The following ZC3H7A variants were observed in gnomAD, a reference collection of about 807,000 sequenced individuals.
The protein encoded by ZC3H7A is zinc finger CCCH domain-containing protein 7A.
ZC3H7A carries 44 observed loss-of-function variants against 125.5 expected under a neutral mutation model. That is an observed-to-expected ratio of 0.35 (90% CI 0.28 to 0.45). The LOEUF is 0.45. ZC3H7A is among the 20% of genes least tolerant of loss of function. The pLI, the probability that ZC3H7A is intolerant of heterozygous loss-of-function variation, is 1.00. For missense variants in ZC3H7A, 977 were observed against 1,170.7 expected (o/e 0.83, Z 2.41); for synonymous variants, 399 against 391.2 (o/e 1.02, Z -0.23).
chr16:11,787,321 T>C (rs914195772), intron 1 of ZC3H7A, among the ~76,000 whole-genome samples: 2 of 152,204 alleles, frequency 1.3e-5, no homozygotes, highest in African/African-American at 4.8e-5. Context: ...AGAAAAGATA[T>C]AGACCATTAA....
chr16:11,774,965 T>C lies in ZC3H7A; in HGVS notation c.619+15A>G. 1.2e-6 allele frequency: 2 copies of C among 1,613,990 alleles called. No individual in the cohort carries two copies. The highest frequency in any genetic ancestry group is 1.7e-6 in the Non-Finnish European group (2 of 1,179,852). On this transcript the variant is annotated intron_variant, in intron 8 of 22. Transcript: ENST00000355758. ...GGCACTATTCAAATTGTTAAGATGA[T>C]ATGTGAAAACATACCTGGCTCAATA...
chr16:11,752,537 G>A, intron 22 of ZC3H7A, 132 bp downstream of exon 22: 1 of 1,157,010 alleles, frequency 8.6e-7, no homozygotes, highest in Non-Finnish European at 1.2e-6. Flanking sequence ...CAAAACCCAA[G>A]AATCCTTCAG....
intron 13 of ZC3H7A, among the ~76,000 whole-genome samples, chr16:11,766,847 C>T (rs2052867791): frequency 6.6e-6 from 1 of 152,198 alleles, no homozygotes; most frequent in Non-Finnish European, 1.5e-5. Flanking sequence ...TGCGCCACTA[C>T]ACTCCAGCCT....
intron 19 of ZC3H7A, among the ~76,000 whole-genome samples, chr16:11,760,100 G>T (rs2052720778): frequency 7.3e-6 from 1 of 136,470 alleles, no homozygotes; most frequent in South Asian, 2.4e-4. Context: ...ACTCCAGCCT[G>T]GGTGACAGAG....
At chr16:11,797,044 A>AGGC (rs1387206641) in intron 1 of ZC3H7A, 80 bp downstream of exon 1, 6 of 141,356 alleles carry the variant, frequency 4.2e-5, no homozygotes, top group African/African-American at 1.3e-4. Context: ...CGCGAGCACG[A>AGGC]GGCGGCGGCG....
chr16:11,770,974 A>C lies in ZC3H7A; in HGVS notation c.917T>G (p.Val306Gly). The change falls in exon 10 of 23, where the codon GTC (valine) becomes GGC (glycine). Residue 306 changes from valine to glycine, a missense_variant. Physicochemically the swap from Val to Gly is moderately radical, Grantham distance 109. Transcript: ENST00000355758. ...ACTGGCTGTCTGAAGGGGTCCTCTG[A>C]CTAAAGCTGACGGCTGCGGAAGAAA... The part of the protein sequence containing the change: ...TNETVMPSAL[V>G]RGPLQTASVS... 1 of 1,602,956 alleles carries C rather than the reference A, an allele frequency of 6.2e-7. No homozygotes were observed. Among genetic ancestry groups the C allele is most frequent in the Non-Finnish European group, 8.5e-7 (1 of 1,175,802 alleles).
chr16:11,784,087 T>C (rs560597403), intron 1 of ZC3H7A, among the ~76,000 whole-genome samples: 123 of 152,300 alleles, frequency 8.1e-4, no homozygotes, highest in Non-Finnish European at 1.4e-3. Context: ...TTTGTATGTG[T>C]TTGAAACATT....
intron 1 of ZC3H7A, among the ~76,000 whole-genome samples, chr16:11,787,459 TTTTTG>T (rs995832633): frequency 1.4e-4 from 21 of 152,130 alleles, no homozygotes; most frequent in African/African-American, 4.6e-4. Context: ...TGTGTGTGTG[TTTTTG>T]TTTTGTTTTG....
At chr16:11,783,991 C>G (rs77052782) in intron 1 of ZC3H7A, among the ~76,000 whole-genome samples, 88 of 149,424 alleles carry the variant, frequency 5.9e-4, no homozygotes, top group African/African-American at 1.7e-3. Context: ...AAGGGGGGGG[C>G]TGTGAGGTGG....
chr16:11,776,679 T>G lies in ZC3H7A; in HGVS notation c.465+72A>C. 2 of 1,534,106 alleles carry G rather than the reference T, an allele frequency of 1.3e-6. 1 individual carries two copies. The highest frequency in any genetic ancestry group is 2.6e-5 in the South Asian group (2 of 77,132). On this transcript the variant is annotated intron_variant, in intron 5 of 22. Coordinates refer to ENST00000355758, the MANE Select transcript of ZC3H7A (RefSeq NM_014153.4). ...GCAGGTTGATGGATGACTGGAAAATTTAACTCTTTAAATGCCATTTATTAT... is the reference window on the plus strand; with the variant it reads ...GCAGGTTGATGGATGACTGGAAAATGTAACTCTTTAAATGCCATTTATTAT...
intron 18 of ZC3H7A, 90 bp from the exon 19 acceptor site, chr16:11,761,601 C>A: frequency 7.4e-7 from 1 of 1,348,646 alleles, no homozygotes; most frequent in Non-Finnish European, 1.0e-6. Flanking sequence ...ACCTGAGGAA[C>A]CAGAGAATTT....
At chr16:11,793,914 A>T (rs551235372) in intron 1 of ZC3H7A, among the ~76,000 whole-genome samples, 3 of 152,296 alleles carry the variant, frequency 2.0e-5, no homozygotes, top group Non-Finnish European at 4.4e-5. Flanking sequence ...CCCCCACAGG[A>T]ACTATTCACT....
At chr16:11,759,433 C>T (rs1438245583) in intron 19 of ZC3H7A, 3 of 152,222 alleles carry the variant, frequency 2.0e-5, no homozygotes, top group African/African-American at 4.8e-5. Flanking sequence ...CCCCTTAACA[C>T]TGTACATTTC....
At chr16:11,790,665 G>C (rs191800364) in intron 1 of ZC3H7A, among the ~76,000 whole-genome samples, 27 of 151,378 alleles carry the variant, frequency 1.8e-4, no homozygotes, top group Non-Finnish European at 3.8e-4. Context: ...TCAGCCTCCC[G>C]AGTAGCTGTG....
At chr16:11,795,392 T>C (rs1416440842) in intron 1 of ZC3H7A, among the ~76,000 whole-genome samples, 4 of 152,196 alleles carry the variant, frequency 2.6e-5, no homozygotes, top group African/African-American at 9.7e-5. Context: ...TTGTACAAAA[T>C]ATATTACACA....
rs544556775 is a variant in ZC3H7A at position 11,767,794 on chromosome 16, T to C, written c.1361-216A>G. 5.9e-5 allele frequency among the ~76,000 whole-genome samples: 9 copies of C among 151,822 alleles called. No individual in the cohort carries two copies. In the East Asian group the frequency reaches 9.7e-4, roughly 16 times the overall value. On this transcript the variant is annotated intron_variant, in intron 12 of 22. Coordinates refer to ENST00000355758, the MANE Select transcript of ZC3H7A (RefSeq NM_014153.4). ...ACAATGTTCTATTCAACTCCACTCC[T>C]GCCAAAAAAAAATACCCTTACTTAA...
At position 11,751,150 on chromosome 16, in the gene ZC3H7A, G is replaced by T; in HGVS notation, c.*167C>A. 2 of 646,500 alleles carry T rather than the reference G, an allele frequency of 3.1e-6. No homozygotes were observed. The highest frequency in any genetic ancestry group is 5.1e-6 in the Non-Finnish European group (2 of 394,988). 40.0% of individuals were successfully genotyped at this position (646,500 alleles called of 1,614,324 possible). ...AGTGGTTCCGTGAGAGCGTGGCCAG[G>T]CCTGTGAAACAGCCCATTTTCCTAC... On this transcript the variant is annotated 3_prime_UTR_variant, in exon 23 of 23. Coordinates refer to ENST00000355758, the MANE Select transcript of ZC3H7A (RefSeq NM_014153.4).
chr16:11,768,120 A>G (rs990025853), intron 12 of ZC3H7A, among the ~76,000 whole-genome samples, 195 bp downstream of exon 12: 17 of 152,226 alleles, frequency 1.1e-4, no homozygotes, highest in African/African-American at 4.1e-4. Context: ...ATGACATCAA[A>G]TAAGAGCAGA....
At chr16:11,758,819 G>C (rs2052695059) in intron 19 of ZC3H7A, 1 of 348,352 alleles carries the variant, frequency 2.9e-6, no homozygotes, top group Non-Finnish European at 5.3e-6. Context: ...CACTTACTCA[G>C]AACATTTAAT....
Sources: allele counts gnomAD v4.1 joint callset (sites outside exome capture counted in the v4.1 genomes callset), GRCh38; gene constraint gnomAD v4.1.1; transcripts MANE v1.5; gene names NCBI Gene and HGNC (gene_info 2026-07-23, HGNC 2026-07-21).